ST6GALNAC3: variants seen among roughly 807,000 people sequenced by gnomAD.
The protein encoded by ST6GALNAC3 is alpha-N-acetylgalactosaminide alpha-2,6-sialyltransferase 3.
ST6GALNAC3 carries 25 observed loss-of-function variants against 32.7 expected under a neutral mutation model. The ratio of observed to expected loss-of-function variants is 0.76; its 90% CI spans 0.56 to 1.07. The LOEUF (loss-of-function observed/expected upper bound fraction) is 1.07, where lower values mean the gene tolerates loss of function less well. Ranked by LOEUF, ST6GALNAC3 falls within the 50% of genes least tolerant of loss-of-function variation. The pLI, the probability that ST6GALNAC3 is intolerant of heterozygous loss-of-function variation, is 0.00. For missense variants in ST6GALNAC3, 355 were observed against 382.4 expected, an observed-to-expected ratio of 0.93 and a Z score of 0.60; for synonymous variants, 129 against 133.1, an observed-to-expected ratio of 0.97 and a Z score of 0.21.
In ST6GALNAC3 at chr1:76,206,018, G is replaced by C. The variant is rs1245926909; in HGVS notation, c.19-107787G>C. On this transcript the variant is annotated intron_variant, in intron 1 of 4. Coordinates refer to ENST00000328299, the MANE Select transcript of ST6GALNAC3 (RefSeq NM_152996.4). ...TTCATTTATTTAAATGGTATTTCTT[G>C]AGCTCTTTTCATATTATGGCTTGGT... 3.3e-5 allele frequency among the ~76,000 whole-genome samples: 5 copies of C among 152,070 alleles called. No homozygotes were observed. In the East Asian group the frequency reaches 9.6e-4, roughly 29 times the overall value.
chr1:76,512,206 T>C (rs574476499), intron 3 of ST6GALNAC3, among the ~76,000 whole-genome samples: 1 of 152,142 alleles, frequency 6.6e-6, no homozygotes, highest in Non-Finnish European at 1.5e-5. Context: ...AATTTACTAC[T>C]ATGAAAAAAA....
chr1:76,190,649 C>G (rs1474173091), intron 1 of ST6GALNAC3, among the ~76,000 whole-genome samples: 1 of 152,046 alleles, frequency 6.6e-6, no homozygotes, highest in East Asian at 1.9e-4. Flanking sequence ...ATGGTTCCAT[C>G]ATTGGTTGCA....
At chr1:76,092,001 A>G (rs1315582321) in intron 1 of ST6GALNAC3, among the ~76,000 whole-genome samples, 1 of 152,232 alleles carries the variant, frequency 6.6e-6, no homozygotes, top group Non-Finnish European at 1.5e-5. Flanking sequence ...GGCTTAGAGA[A>G]TTTAATTGCT....
intron 2 of ST6GALNAC3, among the ~76,000 whole-genome samples, chr1:76,385,427 G>A (rs75853850): frequency 1.8e-3 from 276 of 152,250 alleles, no homozygotes; most frequent in African/African-American, 6.6e-3. Context: ...TCTAGAGAGA[G>A]ACTGAGGTTA....
intron 3 of ST6GALNAC3, among the ~76,000 whole-genome samples, chr1:76,589,132 A>G (rs866991337): frequency 6.6e-6 from 1 of 152,200 alleles, no homozygotes; most frequent in African/African-American, 2.4e-5. Flanking sequence ...GGCTCTGAAT[A>G]AAAACAAAAA....
chr1:76,094,008 G>A (rs370352188), intron 1 of ST6GALNAC3, among the ~76,000 whole-genome samples: 3 of 152,190 alleles, frequency 2.0e-5, no homozygotes, highest in South Asian at 4.1e-4. Context: ...TTTTATTACG[G>A]GAGTTCATCC....
chr1:76,112,233 C>A (rs1262304263), intron 1 of ST6GALNAC3, among the ~76,000 whole-genome samples: 1 of 141,450 alleles, frequency 7.1e-6, no homozygotes, highest in African/African-American at 2.7e-5. Flanking sequence ...GGCGGCTGGC[C>A]GGGCGGGGGG....
In ST6GALNAC3 at chr1:76,323,865, A is replaced by T. The variant is rs552412127; in HGVS notation, c.213+9866A>T. Among the ~76,000 whole-genome samples, 16 of 148,732 alleles carry T rather than the reference A, an allele frequency of 1.1e-4. No individual in the cohort carries two copies. In the East Asian group the frequency reaches 2.4e-3, roughly 22 times the overall value. On this transcript the variant is annotated intron_variant, in intron 2 of 4. Coordinates refer to ENST00000328299, the MANE Select transcript of ST6GALNAC3 (RefSeq NM_152996.4). The stretch of plus-strand genomic sequence containing the variant: ...AGCACATATTGTATTTATTACTAGA[A>T]TTTTTTTTTTTTGAGATGGAGTCTC...
At chr1:76,333,891 A>G (rs983845557) in intron 2 of ST6GALNAC3, among the ~76,000 whole-genome samples, 1 of 152,228 alleles carries the variant, frequency 6.6e-6, no homozygotes, top group Middle Eastern at 3.4e-3. Flanking sequence ...GGTAGGTACT[A>G]TTTTCCCATT....
chr1:76,220,129 C>A (rs536454469), intron 1 of ST6GALNAC3, among the ~76,000 whole-genome samples: 1 of 152,208 alleles, frequency 6.6e-6, no homozygotes, highest in East Asian at 1.9e-4. Flanking sequence ...TTCTTTGATT[C>A]AAATTTCACA....
chr1:76,245,876 A>G (rs987195355), intron 1 of ST6GALNAC3, among the ~76,000 whole-genome samples: 2 of 152,190 alleles, frequency 1.3e-5, no homozygotes, highest in African/African-American at 4.8e-5. Context: ...AGAAGAATGT[A>G]TATTCTGCTG....
At chr1:76,094,695 G>T (rs544326118) in intron 1 of ST6GALNAC3, among the ~76,000 whole-genome samples, 5 of 152,152 alleles carry the variant, frequency 3.3e-5, no homozygotes, top group Non-Finnish European at 7.3e-5. Context: ...TGTTCTAATG[G>T]AAGTGTGGCC....
chr1:76,276,533 G>A (rs1461694658), intron 1 of ST6GALNAC3, among the ~76,000 whole-genome samples: 1 of 152,068 alleles, frequency 6.6e-6, no homozygotes, highest in Admixed American at 6.5e-5. Flanking sequence ...GTATTCCATT[G>A]TGTGATTAAG....
chr1:76,084,369 G>A (rs1646937697), intron 1 of ST6GALNAC3, among the ~76,000 whole-genome samples: 1 of 152,200 alleles, frequency 6.6e-6, no homozygotes. Flanking sequence ...TACCCCAGAT[G>A]TTGTGCAGCT....
intron 1 of ST6GALNAC3, among the ~76,000 whole-genome samples, chr1:76,196,440 A>G (rs1163349711): frequency 6.6e-6 from 1 of 152,138 alleles, no homozygotes; most frequent in Non-Finnish European, 1.5e-5. Flanking sequence ...CAACTCATAT[A>G]AGCAAAAGCT....
At chr1:76,310,549 A>T (rs1646741702) in intron 1 of ST6GALNAC3, among the ~76,000 whole-genome samples, 1 of 151,526 alleles carries the variant, frequency 6.6e-6, no homozygotes, top group Non-Finnish European at 1.5e-5. Flanking sequence ...GGTATCGCTG[A>T]CTCCTGGGGG....
intron 3 of ST6GALNAC3, among the ~76,000 whole-genome samples, chr1:76,426,558 T>C (rs1308144067): frequency 6.7e-6 from 1 of 149,852 alleles, no homozygotes; most frequent in African/African-American, 2.5e-5. Context: ...TATATATATA[T>C]ATCTGTACAT....
intron 3 of ST6GALNAC3, among the ~76,000 whole-genome samples, chr1:76,536,821 A>G (rs538076299): frequency 6.6e-6 from 1 of 152,316 alleles, no homozygotes; most frequent in African/African-American, 2.4e-5. Flanking sequence ...ATAGAGGAGC[A>G]TCCAGATTCA....
intron 1 of ST6GALNAC3, among the ~76,000 whole-genome samples, chr1:76,286,011 T>C (rs1328948185): frequency 2.0e-5 from 3 of 149,070 alleles, no homozygotes; most frequent in Admixed American, 2.0e-4. Context: ...CATGCAGAAC[T>C]AGACTGACAG....
Sources: gnomAD v4.1 joint callset for allele counts (sites outside exome capture counted in the v4.1 genomes callset) on GRCh38, gnomAD v4.1.1 for gene constraint, MANE v1.5 for transcripts, NCBI Gene and HGNC (gene_info 2026-07-23, HGNC 2026-07-21) for gene names.